The following ITGAE variants were observed in gnomAD, a reference collection of about 807,000 sequenced individuals.
ITGAE encodes the protein integrin subunit alpha E, also known as integrin alpha-E.
A neutral mutation model predicts 136.5 loss-of-function variants in ITGAE; 99 were observed. The observed-to-expected ratio is 0.73, with a 90% confidence interval of 0.62 to 0.86. The LOEUF is 0.86. Ranked by LOEUF, ITGAE falls within the 40% of genes least tolerant of loss-of-function variation. The pLI, the probability that ITGAE is intolerant of heterozygous loss-of-function variation, is 0.00. For missense variants in ITGAE, 1,447 were observed against 1,515.3 expected (o/e 0.95, Z 0.75); for synonymous variants, 613 against 591.8 (o/e 1.04, Z -0.52).
At chr17:3,758,951 C>T (rs2052094909) in intron 8 of ITGAE, among the ~76,000 whole-genome samples, 1 of 151,464 alleles carries the variant, frequency 6.6e-6, no homozygotes, top group African/African-American at 2.4e-5. Flanking sequence ...TGGTGAAACC[C>T]CACCTCTATT....
chr17:3,780,550 G>A (rs1347329508), intron 1 of ITGAE, among the ~76,000 whole-genome samples: 5 of 151,704 alleles, frequency 3.3e-5, no homozygotes, highest in African/African-American at 9.7e-5. Flanking sequence ...CGCCCACCTC[G>A]GCCTCCCAAA....
chr17:3,714,970 T>C, intron 30 of ITGAE, 28 bp from the exon 31 acceptor site: 1 of 1,384,528 alleles, frequency 7.2e-7, no homozygotes, highest in South Asian at 1.2e-5. Flanking sequence ...AAAGTCCAGT[T>C]ACAGGCCAAA....
At chr17:3,742,771 C>G (rs2051616834) in intron 19 of ITGAE, among the ~76,000 whole-genome samples, 1 of 152,218 alleles carries the variant, frequency 6.6e-6, no homozygotes, top group South Asian at 2.1e-4. Flanking sequence ...CCTGCCTCAG[C>G]CTCCCTAGTA....
At chr17:3,732,487 A>G in intron 21 of ITGAE, 21 bp from the exon 22 acceptor site, 2 of 1,591,770 alleles carry the variant, frequency 1.3e-6, no homozygotes, top group South Asian at 2.2e-5. Context: ...AGCAGATGAC[A>G]TTCTCTTAAA....
intron 3 of ITGAE, among the ~76,000 whole-genome samples, chr17:3,762,891 G>T (rs1387198555): frequency 6.7e-6 from 1 of 149,608 alleles, no homozygotes; most frequent in African/African-American, 2.5e-5. Context: ...GAGCCACCGT[G>T]CCTGGCAGGA....
At chr17:3,763,186 C>G (rs1010134190) in intron 3 of ITGAE, among the ~76,000 whole-genome samples, 2 of 152,160 alleles carry the variant, frequency 1.3e-5, no homozygotes, top group African/African-American at 4.8e-5. Flanking sequence ...AGCCACGGCG[C>G]CCAGCCTCAG....
intron 1 of ITGAE, among the ~76,000 whole-genome samples, chr17:3,783,267 A>C (rs575158547): frequency 6.6e-6 from 1 of 152,254 alleles, no homozygotes; most frequent in East Asian, 1.9e-4. Context: ...CAGTCTCCGG[A>C]GTAGCTGGGA....
Position 3,745,798 on chromosome 17 carries a change from C to T in ITGAE, c.2285G>A (p.Cys762Tyr), listed in dbSNP as rs781004836. 7 of 1,614,014 alleles carry T rather than the reference C, an allele frequency of 4.3e-6. No homozygotes were observed. The highest frequency in any genetic ancestry group is 4.0e-5 in the African/African-American group (3 of 74,942). The change falls in exon 18 of 31, where the codon TGT (cysteine) becomes TAT (tyrosine). Residue 762 changes from cysteine to tyrosine, a missense_variant. Cys to Tyr is a radical substitution (Grantham distance 194). Coordinates refer to ENST00000263087, the MANE Select transcript of ITGAE (RefSeq NM_002208.5). ...TGTGGGCATGAGCAGGAGGTCCTCA[C>T]AAAGCTGGGATCCGCTGCTCCACTC... The part of the protein sequence containing the change: ...LREWSSGSQL[C>Y]EDLLLMPTEG...
chr17:3,750,508 G>A (rs775947639), intron 15 of ITGAE, 26 bp from the exon 16 acceptor site: 1 of 1,613,556 alleles, frequency 6.2e-7, no homozygotes, highest in South Asian at 1.1e-5. Flanking sequence ...CACAAGGCGT[G>A]GGGCGAGGGA....
chr17:3,723,213 T>C lies in ITGAE; in HGVS notation c.3237+75A>G, dbSNP rs182910323. ...TGGACATGGACATGTTATGCAAAGA[T>C]GCTATTATCTCTTCTAGGGGCGATG... On this transcript the variant is annotated intron_variant, in intron 28 of 30. Transcript: ENST00000263087. The C allele has an allele frequency of 7.2e-4, 716 of 998,124 alleles. 6 individuals are homozygous for C. In the African/African-American group the frequency reaches 9.4e-3, roughly 13 times the overall value. 61.8% of individuals were successfully genotyped at this position (998,124 alleles called of 1,614,324 possible). A position where few individuals can be genotyped will look rare whatever the true frequency, so the allele number is the denominator to read the frequency against.
rs1176914477 is a variant in ITGAE at position 3,763,884 on chromosome 17, G to C, written c.232C>G (p.Leu78Val). Residue 78 changes from leucine to valine, a missense_variant, in exon 3 of 31, where the codon CTT becomes GTT. This residue lies in a region of ITGAE where 310 missense variants were observed against 416.1 expected (regional missense o/e 0.74). Coordinates refer to ENST00000263087, the MANE Select transcript of ITGAE (RefSeq NM_002208.5). ...HRCSLVQDEI[L>V]CHPVEHVPIP... ...GCTGACTTACCTACAGGATGGCAAA[G>C]GATTTCATCCTGGACAAGGGAACAT... The C allele has an allele frequency of 6.2e-7, 1 of 1,613,758 alleles. No homozygotes were observed. Among genetic ancestry groups the C allele is most frequent in the Non-Finnish European group, 8.5e-7 (1 of 1,179,870 alleles).
chr17:3,732,488 T>C, intron 21 of ITGAE, 22 bp from the exon 22 acceptor site: 1 of 1,592,810 alleles, frequency 6.3e-7, no homozygotes. Flanking sequence ...GCAGATGACA[T>C]TCTCTTAAAG....
intron 13 of ITGAE, 31 bp downstream of exon 13, chr17:3,753,752 A>T: frequency 6.2e-7 from 1 of 1,612,880 alleles, no homozygotes; most frequent in East Asian, 2.2e-5. Context: ...CCCATCGGTC[A>T]TAAGGGGTGG....
intron 16 of ITGAE, among the ~76,000 whole-genome samples, chr17:3,749,406 C>T (rs999390233): frequency 2.3e-4 from 35 of 152,246 alleles, no homozygotes; most frequent in Non-Finnish European, 2.4e-4. Flanking sequence ...GCGCCCGCCA[C>T]CATGCCCGGC....
At chr17:3,741,257 T>C (rs1340046252) in intron 19 of ITGAE, among the ~76,000 whole-genome samples, 13 of 150,776 alleles carry the variant, frequency 8.6e-5, no homozygotes, top group Non-Finnish European at 1.5e-4. Context: ...TTTTTTTTTT[T>C]TTTGTATTTT....
chr17:3,729,603 A>G (rs376606674), intron 23 of ITGAE, 48 bp from the exon 24 acceptor site: 2 of 1,208,336 alleles, frequency 1.7e-6, no homozygotes. Context: ...TGTACATAGC[A>G]AGTGCTTCTT....
chr17:3,738,124 C>T (rs1212709538), intron 20 of ITGAE, among the ~76,000 whole-genome samples: 1 of 152,222 alleles, frequency 6.6e-6, no homozygotes, highest in Non-Finnish European at 1.5e-5. Context: ...AATCACAATA[C>T]ATACACAACA....
rs1184800480 is a variant in ITGAE, at chr17:3,788,448, CCTGA to C, written c.35-10792_35-10789del. Reference sequence around the variant, plus strand: ...GGGACTATAGGCCTGTGCCACCAGACCTGACTAATTTTTTTTTTTTTTTTTTTTT... The same window carrying C: ...GGGACTATAGGCCTGTGCCACCAGACCTAATTTTTTTTTTTTTTTTTTTTT... On this transcript the variant is annotated intron_variant, in intron 1 of 30. Transcript: ENST00000263087. Among the ~76,000 whole-genome samples the C allele has an allele frequency of 3.5e-5, 5 of 144,304 alleles. No individual in the cohort carries two copies. In the South Asian group the frequency reaches 6.5e-4, roughly 19 times the overall value. 94.7% of individuals were successfully genotyped at this position (144,304 alleles called of 152,430 possible). A position where few individuals can be genotyped will look rare whatever the true frequency, so the allele number is the denominator to read the frequency against.
At chr17:3,768,536 C>T (rs1318948036) in intron 2 of ITGAE, among the ~76,000 whole-genome samples, 1 of 152,158 alleles carries the variant, frequency 6.6e-6, no homozygotes, top group Non-Finnish European at 1.5e-5. Flanking sequence ...GCCTCAGGCC[C>T]TCCACGGCGC....
Sources: allele counts gnomAD v4.1 joint callset (sites outside exome capture counted in the v4.1 genomes callset), GRCh38; gene constraint gnomAD v4.1.1; regional missense constraint gnomAD v4.1.1; transcripts MANE v1.5; gene names NCBI Gene and HGNC (gene_info 2026-07-23, HGNC 2026-07-21).